The following NCAM2 variants were observed in gnomAD, a reference collection of about 807,000 sequenced individuals.
NCAM2 encodes the protein neural cell adhesion molecule 2, also known as N-CAM-2.
NCAM2 carries 30 observed loss-of-function variants against 98.1 expected under a neutral mutation model. That is an observed-to-expected ratio of 0.31 (90% CI 0.23 to 0.41). The LOEUF is 0.41. NCAM2 is among the 10% of genes least tolerant of loss of function. NCAM2 has a pLI of 1.00. For synonymous variants in NCAM2, 368 were observed against 342.4 expected, an observed-to-expected ratio of 1.07 and a Z score of -0.83; for missense variants, 867 against 1,005.8, an observed-to-expected ratio of 0.86 and a Z score of 1.87.
chr21:21,104,523 C>T (rs748849506), intron 1 of NCAM2, among the ~76,000 whole-genome samples: 2 of 151,934 alleles, frequency 1.3e-5, no homozygotes, highest in African/African-American at 2.4e-5. Flanking sequence ...TCTTGTGAAG[C>T]ATATATTTTA....
intron 1 of NCAM2, among the ~76,000 whole-genome samples, chr21:21,266,779 G>A (rs940778975): frequency 3.3e-5 from 5 of 152,072 alleles, no homozygotes; most frequent in African/African-American, 1.2e-4. Context: ...TAAATGACGA[G>A]TTAATGGGTG....
intron 1 of NCAM2, among the ~76,000 whole-genome samples, chr21:21,155,019 C>T (rs1484471679): frequency 2.0e-5 from 3 of 151,540 alleles, no homozygotes; most frequent in Non-Finnish European, 3.0e-5. Context: ...AAAGTGGCAA[C>T]AGTTTCATAT....
At chr21:21,119,388 A>G (rs1221448629) in intron 1 of NCAM2, among the ~76,000 whole-genome samples, 3 of 152,194 alleles carry the variant, frequency 2.0e-5, no homozygotes, top group African/African-American at 4.8e-5. Context: ...TTCCCCATCA[A>G]TAAGAATAAA....
chr21:21,096,185 C>G (rs975999646), intron 1 of NCAM2, among the ~76,000 whole-genome samples: 1 of 151,540 alleles, frequency 6.6e-6, no homozygotes, highest in African/African-American at 2.4e-5. Context: ...TAGGTTCTTC[C>G]AGTTTTCTTT....
chr21:21,006,482 C>G (rs780205647), intron 1 of NCAM2, among the ~76,000 whole-genome samples: 2 of 152,178 alleles, frequency 1.3e-5, no homozygotes, highest in Non-Finnish European at 2.9e-5. Context: ...GCACTCCAGC[C>G]TGGGTGACAG....
intron 1 of NCAM2, among the ~76,000 whole-genome samples, chr21:21,272,891 C>A (rs1024364766): frequency 7.2e-6 from 1 of 139,476 alleles, no homozygotes; most frequent in Non-Finnish European, 1.5e-5. Flanking sequence ...AATGTATTAG[C>A]AAATATGTTT....
intron 1 of NCAM2, among the ~76,000 whole-genome samples, chr21:21,010,795 TG>T (rs1391752926): frequency 6.6e-6 from 1 of 152,076 alleles, no homozygotes; most frequent in Admixed American, 6.6e-5. Flanking sequence ...TCTTTATAAG[TG>T]TAAAGTGTCA....
At chr21:21,423,481 A>G (rs2077154106) in intron 11 of NCAM2, among the ~76,000 whole-genome samples, 1 of 152,204 alleles carries the variant, frequency 6.6e-6, no homozygotes, top group Admixed American at 6.5e-5. Flanking sequence ...TTATACATCA[A>G]TCTAGACATC....
intron 1 of NCAM2, among the ~76,000 whole-genome samples, chr21:21,254,735 T>C (rs1395757081): frequency 6.6e-6 from 1 of 151,940 alleles, no homozygotes; most frequent in Non-Finnish European, 1.5e-5. Flanking sequence ...CAGGAAAAAA[T>C]ATGCATGAAG....
chr21:21,240,529 G>A (rs1027784224), intron 1 of NCAM2, among the ~76,000 whole-genome samples: 55 of 152,286 alleles, frequency 3.6e-4, no homozygotes, highest in African/African-American at 1.3e-3. Flanking sequence ...GGTGGAAAAG[G>A]CACTTAACCC....
chr21:21,243,897 A>G (rs1216164405), intron 1 of NCAM2, among the ~76,000 whole-genome samples: 2 of 152,202 alleles, frequency 1.3e-5, no homozygotes, highest in African/African-American at 2.4e-5. Context: ...AGGAAGATAA[A>G]CAGCCATGAT....
intron 1 of NCAM2, among the ~76,000 whole-genome samples, chr21:21,052,396 C>A (rs2065129029): frequency 1.3e-5 from 2 of 152,092 alleles, no homozygotes; most frequent in Admixed American, 1.3e-4. Context: ...AACTCCTGAT[C>A]TCAGGTGATT....
chr21:21,445,417 A>G (rs1569071361), intron 12 of NCAM2, among the ~76,000 whole-genome samples: 1 of 152,094 alleles, frequency 6.6e-6, no homozygotes, highest in African/African-American at 2.4e-5. Context: ...TGATTTGTCT[A>G]ATATTGTCAT....
At chr21:21,084,686 A>G (rs2065873932) in intron 1 of NCAM2, among the ~76,000 whole-genome samples, 1 of 152,130 alleles carries the variant, frequency 6.6e-6, no homozygotes, top group African/African-American at 2.4e-5. Context: ...AAAGTGTTGT[A>G]TTTGGACACT....
chr21:21,072,947 G>C (rs2065603414), intron 1 of NCAM2, among the ~76,000 whole-genome samples: 1 of 151,966 alleles, frequency 6.6e-6, no homozygotes, highest in South Asian at 2.1e-4. Context: ...TTCTCAAACT[G>C]AAACTTCATA....
chr21:21,240,423 G>A (rs1291302866), intron 1 of NCAM2, among the ~76,000 whole-genome samples: 2 of 150,262 alleles, frequency 1.3e-5, no homozygotes, highest in Non-Finnish European at 3.0e-5. Flanking sequence ...TTGTTTCTGA[G>A]AAAAAAGATG....
intron 8 of NCAM2, among the ~76,000 whole-genome samples, chr21:21,364,093 T>A (rs232499): frequency 0.66 from 100,321 of 151,822 alleles, 33,723 homozygotes; most frequent in African/African-American, 0.79. Flanking sequence ...TCTATTTGTT[T>A]TCCACACTTT....
At chr21:21,460,707 A>G (rs1366752275) in intron 12 of NCAM2, among the ~76,000 whole-genome samples, 1 of 151,922 alleles carries the variant, frequency 6.6e-6, no homozygotes, top group East Asian at 1.9e-4. Context: ...TGAGGACAGT[A>G]TTTATGGTAT....
intron 1 of NCAM2, among the ~76,000 whole-genome samples, chr21:21,160,904 G>A (rs910892822): frequency 1.3e-5 from 2 of 151,886 alleles, no homozygotes; most frequent in African/African-American, 4.8e-5. Context: ...ATATTTGAAT[G>A]AGCCCTATAG....
Sources: gnomAD v4.1 joint callset for allele counts (sites outside exome capture counted in the v4.1 genomes callset) on GRCh38, gnomAD v4.1.1 for gene constraint, MANE v1.5 for transcripts, NCBI Gene and HGNC (gene_info 2026-07-23, HGNC 2026-07-21) for gene names.